BSDC1: variants seen among roughly 807,000 people sequenced by gnomAD.
BSDC1 encodes the protein BSD domain-containing protein 1.
A neutral mutation model predicts 56.0 loss-of-function variants in BSDC1; 29 were observed. The observed-to-expected ratio is 0.52, with a 90% CI of 0.39 to 0.71. BSDC1 has a LOEUF of 0.71. BSDC1 is among the 30% of genes least tolerant of loss of function. The pLI, the probability that BSDC1 is intolerant of heterozygous loss-of-function variation, is 0.00. For missense variants in BSDC1, 477 were observed against 548.5 expected (o/e 0.87, Z 1.30); for synonymous variants, 210 against 215.3 (o/e 0.98, Z 0.21).
chr1:32,367,368 G>A (rs1641890489), intron 10 of BSDC1: 4 of 985,342 alleles, frequency 4.1e-6, no homozygotes, highest in Non-Finnish European at 4.8e-6. Flanking sequence ...GCCTGACAGG[G>A]CACTATGGGC....
intron 9 of BSDC1, chr1:32,369,470 C>T (rs1641988419): frequency 2.8e-6 from 1 of 351,216 alleles, no homozygotes; most frequent in Non-Finnish European, 5.4e-6. Context: ...GATCATGCCA[C>T]TGCAGTCCAG....
At chr1:32,376,215 T>C in intron 9 of BSDC1, 47 bp downstream of exon 9, 2 of 1,405,942 alleles carry the variant, frequency 1.4e-6, no homozygotes, top group Non-Finnish European at 1.9e-6. Flanking sequence ...CCTCAGGAGG[T>C]GGCCCTGACC....
At chr1:32,375,072 A>T (rs1200172419) in intron 9 of BSDC1, among the ~76,000 whole-genome samples, 2 of 152,128 alleles carry the variant, frequency 1.3e-5, no homozygotes, top group Non-Finnish European at 2.9e-5. Flanking sequence ...GAATGGCGCG[A>T]ACCTGAGAGG....
intron 9 of BSDC1, among the ~76,000 whole-genome samples, chr1:32,374,172 T>C (rs927435663): frequency 2.6e-5 from 4 of 152,336 alleles, no homozygotes; most frequent in Non-Finnish European, 5.9e-5. Context: ...GATTGAGTAA[T>C]ATGCATATTA....
Position 32,383,975 on chromosome 1 carries a change from G to C in BSDC1, c.212C>G (p.Thr71Arg). Residue 71 changes from threonine (T) to arginine (R), a missense_variant, in exon 4 of 11, where the codon ACA becomes AGA. Transcript: ENST00000455895. ...KLATEGSSGA[T>R]EKMKKGLSDF... ...AGATAACCCTTTCTTCATCTTCTCT[G>C]TTGCTCCTGAGGAGCCTTCCGTCTG... 1 of 1,613,190 alleles carries C rather than the reference G, an allele frequency of 6.2e-7. No homozygotes were observed. Among genetic ancestry groups the C allele is most frequent in the Non-Finnish European group, 8.5e-7 (1 of 1,180,036 alleles).
At chr1:32,370,645 T>C (rs1642042686) in intron 9 of BSDC1, among the ~76,000 whole-genome samples, 1 of 151,164 alleles carries the variant, frequency 6.6e-6, no homozygotes, top group Non-Finnish European at 1.5e-5. Context: ...CTACTAAAAA[T>C]ACAAAAAATT....
At chr1:32,387,242 T>C (rs1402057584) in intron 2 of BSDC1, among the ~76,000 whole-genome samples, 1 of 152,156 alleles carries the variant, frequency 6.6e-6, no homozygotes. Context: ...AGAGGGGGCA[T>C]AGTCTGAAAA....
At chr1:32,386,592 C>A in intron 3 of BSDC1, 187 bp downstream of exon 3, 1 of 497,674 alleles carries the variant, frequency 2.0e-6, no homozygotes, top group Non-Finnish European at 3.5e-6. Flanking sequence ...AGTGGGAAAA[C>A]TAATTATTAC....
intron 8 of BSDC1, among the ~76,000 whole-genome samples, chr1:32,377,753 C>T (rs550368047): frequency 1.3e-5 from 2 of 152,218 alleles, no homozygotes; most frequent in African/African-American, 4.8e-5. Context: ...GGAATCTACA[C>T]CAACTGACAC....
intron 9 of BSDC1, among the ~76,000 whole-genome samples, chr1:32,375,832 C>T (rs1642258890): frequency 1.3e-5 from 2 of 152,216 alleles, no homozygotes; most frequent in South Asian, 2.1e-4. Flanking sequence ...TAGAAATTGG[C>T]ACAGTGTGCT....
At chr1:32,376,987 T>C (rs1199863228) in intron 8 of BSDC1, among the ~76,000 whole-genome samples, 1 of 151,972 alleles carries the variant, frequency 6.6e-6, no homozygotes, top group Non-Finnish European at 1.5e-5. Flanking sequence ...ACAAAAAATA[T>C]TAGCTGGGTG....
At chr1:32,383,050 C>T (rs1038338764) in intron 4 of BSDC1, among the ~76,000 whole-genome samples, 1 of 151,944 alleles carries the variant, frequency 6.6e-6, no homozygotes, top group Non-Finnish European at 1.5e-5. Context: ...CCACAGCGTT[C>T]CTTATTATGC....
chr1:32,378,717 C>T lies in BSDC1; in HGVS notation c.528+7G>A, dbSNP rs1642379954. 1 of 1,481,490 alleles carries T rather than the reference C, an allele frequency of 6.7e-7. No homozygotes were observed. The highest frequency in any genetic ancestry group is 9.0e-7 in the Non-Finnish European group (1 of 1,113,398). The allele number at this position is 1,481,490 out of a possible 1,614,324, so 91.8% of individuals were successfully genotyped here. On this transcript the variant is annotated splice_region_variant and intron_variant, in intron 6 of 10. Coordinates refer to ENST00000455895, the MANE Select transcript of BSDC1 (RefSeq NM_018045.8). This position sits in a 1 kb window ranked among gnomAD's most constrained non-coding sequence, Gnocchi z 5.2. The stretch of plus-strand genomic sequence containing the variant: ...GCTGGCTGAGGCCCTGCAGGCTGGG[C>T]CCTCACCATCTTGGTGTAGAGGGCC...
rs141409170 is a variant in BSDC1, at chr1:32,377,988, C to T, written c.658G>A (p.Gly220Ser). The T allele has an allele frequency of 2.0e-5, 33 of 1,613,164 alleles. No homozygotes were observed. Among genetic ancestry groups the T allele is most frequent in the African/African-American group, 5.3e-5 (4 of 74,932 alleles). ...RAEQSISEEP[G>S]WEEEEEELMG... ...CTCTTACCTTCCTCCTCCTCCCAGCCGGGCTCTTCAGAGATGCTCTGTTCC... is the reference window on the plus strand; with the variant it reads ...CTCTTACCTTCCTCCTCCTCCCAGCTGGGCTCTTCAGAGATGCTCTGTTCC... The change falls in exon 8 of 11, where the codon GGC becomes AGC. Residue 220 changes from glycine to serine, a missense_variant. By Grantham distance (56) the Gly-to-Ser change is moderately conservative. Transcript: ENST00000455895.
chr1:32,389,201 A>G (rs924286386), intron 2 of BSDC1, among the ~76,000 whole-genome samples: 1 of 151,964 alleles, frequency 6.6e-6, no homozygotes, highest in African/African-American at 2.4e-5. Context: ...TGATTCGCCC[A>G]CCTTGGCCTC....
chr1:32,376,815 A>G, intron 8 of BSDC1, 74 bp from the exon 9 acceptor site: 16 of 1,308,302 alleles, frequency 1.2e-5, no homozygotes, highest in Non-Finnish European at 1.6e-5. Flanking sequence ...GGAGCTCTCA[A>G]GTTCCTGCCA....
At position 32,375,897 on chromosome 1, in the gene BSDC1, T is replaced by G. The variant is rs1161236153; in HGVS notation, c.1156+365A>C. ...GCCCTGGGTCTGAATCTGGGCCTCC[T>G]GGCCATGTGAACTTGGGCAAGTTAC... On this transcript the variant is annotated intron_variant, in intron 9 of 10. Transcript: ENST00000455895. Among the ~76,000 whole-genome samples the G allele has an allele frequency of 2.0e-5, 3 of 152,340 alleles. No individual in the cohort carries two copies. In the East Asian group the frequency reaches 5.8e-4, roughly 29 times the overall value.
intron 9 of BSDC1, among the ~76,000 whole-genome samples, chr1:32,374,394 A>G (rs1279323869): frequency 6.6e-6 from 1 of 152,204 alleles, no homozygotes; most frequent in African/African-American, 2.4e-5. Flanking sequence ...CTTATGAACA[A>G]AGTTGGGATT....
chr1:32,376,527 C>T lies in BSDC1; in HGVS notation c.891G>A (p.Glu297=). ...ACAGGTCCTTGGGTAGCACTCGTGCCTCAGGTGCAGTGGCCGGGTTGGCGA... is the reference window on the plus strand; with the variant it reads ...ACAGGTCCTTGGGTAGCACTCGTGCTTCAGGTGCAGTGGCCGGGTTGGCGA... ...TQIANPATAP[E]ARVLPKDLSQ... is the part of the protein sequence containing the mutation. Residue 297 remains glutamate, a synonymous_variant, in exon 9 of 11, where the codon GAG becomes GAA. Coordinates refer to ENST00000455895, the MANE Select transcript of BSDC1 (RefSeq NM_018045.8). 6.3e-7 allele frequency: 1 copy of T among 1,579,586 alleles called. No individual in the cohort carries two copies. Among genetic ancestry groups the T allele is most frequent in the Non-Finnish European group, 8.6e-7 (1 of 1,156,852 alleles).
Sources: gnomAD v4.1 joint callset for allele counts (sites outside exome capture counted in the v4.1 genomes callset) on GRCh38, gnomAD v4.1.1 for gene constraint, Gnocchi (gnomAD v3.1) non-coding constraint, MANE v1.5 for transcripts, NCBI Gene and HGNC (gene_info 2026-07-23, HGNC 2026-07-21) for gene names.